The following EVL variants were observed in gnomAD, a reference collection of about 807,000 sequenced individuals.
EVL encodes ena/VASP-like protein.
EVL carries 21 observed loss-of-function variants against 59.6 expected under a neutral mutation model. The ratio of observed to expected loss-of-function variants is 0.35; its 90% CI spans 0.25 to 0.51. EVL has a LOEUF of 0.51. EVL is among the 20% of genes least tolerant of loss of function. The pLI is 0.97. For synonymous variants in EVL, 198 were observed against 203.5 expected (o/e 0.97, Z 0.23); for missense variants, 462 against 546.6 (o/e 0.85, Z 1.54).
chr14:100,033,813 C>G (rs1460067820), intron 1 of EVL, among the ~76,000 whole-genome samples: 1 of 152,178 alleles, frequency 6.6e-6, no homozygotes, highest in East Asian at 1.9e-4. Flanking sequence ...TCACACAGAG[C>G]TGGCATTTGA....
At chr14:100,086,294 C>T (rs185098494) in intron 2 of EVL, among the ~76,000 whole-genome samples, 1 of 152,322 alleles carries the variant, frequency 6.6e-6, no homozygotes, top group East Asian at 1.9e-4. Context: ...CAGTGACACA[C>T]TGTGCCACAC....
chr14:100,008,108 A>C (rs1236099449), intron 1 of EVL, among the ~76,000 whole-genome samples: 1 of 152,068 alleles, frequency 6.6e-6, no homozygotes, highest in Non-Finnish European at 1.5e-5. Context: ...GGTGTAGGGC[A>C]GTCAGTGGTT....
In EVL at chr14:100,015,861, A is replaced by G. The variant is rs541523584; in HGVS notation, c.5+43804A>G. ...CAAGGTGGGTAGATCATTTGATGCC[A>G]GGAGTTCGAGACCAGCCTGGCCAAC... On this transcript the variant is annotated intron_variant, in intron 1 of 13. Coordinates refer to the EVL transcript ENST00000402714. Among the ~76,000 whole-genome samples, 5 of 151,622 alleles carry G rather than the reference A, an allele frequency of 3.3e-5. No homozygotes were observed. The East Asian group carries it at 9.9e-4, about 30-fold the overall frequency.
intron 7 of EVL, among the ~76,000 whole-genome samples, chr14:100,131,069 G>A (rs1439371496): frequency 2.6e-5 from 4 of 152,252 alleles, no homozygotes; most frequent in African/African-American, 9.6e-5. Context: ...CCCTGTGCCT[G>A]GAGAGCTAGG....
At chr14:100,093,494 C>T (rs926593963) in intron 2 of EVL, among the ~76,000 whole-genome samples, 3 of 152,140 alleles carry the variant, frequency 2.0e-5, no homozygotes, top group East Asian at 1.9e-4. Context: ...AGTCATAGAC[C>T]GTTGGGGGCT....
chr14:100,055,511 A>G (rs1275272950), intron 1 of EVL, among the ~76,000 whole-genome samples: 1 of 152,230 alleles, frequency 6.6e-6, no homozygotes, highest in African/African-American at 2.4e-5. Flanking sequence ...GAAATCTTGT[A>G]TACCTAAAAA....
At chr14:100,132,200 G>T (rs1473835559) in intron 7 of EVL, among the ~76,000 whole-genome samples, 1 of 150,900 alleles carries the variant, frequency 6.6e-6, no homozygotes, top group African/African-American at 2.4e-5. Context: ...ACCTATTCCA[G>T]GGCTCCTCTT....
chr14:100,052,020 G>A (rs918314691), intron 1 of EVL, among the ~76,000 whole-genome samples: 3 of 152,192 alleles, frequency 2.0e-5, no homozygotes, highest in African/African-American at 7.2e-5. Flanking sequence ...CTAAAGGAGA[G>A]TCTCATAAAA....
chr14:100,137,542 C>T (rs756557917), intron 9 of EVL, 36 bp from the exon 10 acceptor site: 3 of 1,610,208 alleles, frequency 1.9e-6, no homozygotes, highest in South Asian at 1.1e-5. Flanking sequence ...AGTCCCTTCA[C>T]CTGTGAGGTT....
rs1043141870 is a variant in EVL, at chr14:100,114,188, G to A, written c.359-9351G>A. 6.6e-6 allele frequency among the ~76,000 whole-genome samples: 1 copy of A among 151,798 alleles called. No homozygotes were observed. Among genetic ancestry groups the A allele is most frequent in the African/African-American group, 2.4e-5 (1 of 41,338 alleles). ...GGAGGGCCGGGGGGGAATCAAATGAGCCTTACTTCTGTGAGCGGGTGCCAA... is the reference window on the plus strand; with the variant it reads ...GGAGGGCCGGGGGGGAATCAAATGAACCTTACTTCTGTGAGCGGGTGCCAA... On this transcript the variant is annotated intron_variant, in intron 3 of 13. Transcript: ENST00000392920. This position sits in a 1 kb window ranked among gnomAD's most constrained non-coding sequence, Gnocchi z 5.0.
chr14:100,100,080 C>A (rs980212987), intron 3 of EVL, among the ~76,000 whole-genome samples: 1 of 150,732 alleles, frequency 6.6e-6, no homozygotes, highest in Non-Finnish European at 1.5e-5. Context: ...ATTAAATTCA[C>A]CAGAGAATCA....
chr14:100,047,112 C>CTATTTTTTTTTTTTT (rs1566983234), intron 1 of EVL, among the ~76,000 whole-genome samples: 2 of 11,404 alleles, frequency 1.8e-4, no homozygotes, highest in African/African-American at 5.7e-4. Context: ...GGGCAGATCT[C>CTATTTTTTTTTTTTT]TCTCTCTTTT....
At chr14:100,025,699 G>A (rs1185718871) in intron 1 of EVL, among the ~76,000 whole-genome samples, 7 of 152,138 alleles carry the variant, frequency 4.6e-5, no homozygotes, top group South Asian at 2.1e-4. Context: ...AGGCAGAGGC[G>A]GGTGGGTTAC....
chr14:100,015,159 G>A (rs764473749), intron 1 of EVL, among the ~76,000 whole-genome samples: 1 of 152,176 alleles, frequency 6.6e-6, no homozygotes, highest in East Asian at 1.9e-4. Flanking sequence ...TCAAGTCCAC[G>A]GGACATCAGG....
At chr14:99,973,151 C>G (rs2060746555) in intron 1 of EVL, among the ~76,000 whole-genome samples, 1 of 152,102 alleles carries the variant, frequency 6.6e-6, no homozygotes, top group African/African-American at 2.4e-5. Flanking sequence ...GGGTAGATAT[C>G]TAGTAGAATT....
At chr14:100,126,046 C>G (rs1057057154) in intron 4 of EVL, among the ~76,000 whole-genome samples, 4 of 152,172 alleles carry the variant, frequency 2.6e-5, no homozygotes, top group African/African-American at 9.7e-5. Flanking sequence ...TCTTAAAGTG[C>G]CTCCCACTCC....
At chr14:100,103,643 G>A (rs117035876) in intron 3 of EVL, among the ~76,000 whole-genome samples, 1,621 of 152,114 alleles carry the variant, frequency 0.011, 15 homozygotes, top group Non-Finnish European at 0.012. Context: ...AGGATGAGGC[G>A]CCCCTTCTAT....
intron 1 of EVL, among the ~76,000 whole-genome samples, chr14:99,989,623 A>G (rs960370781): frequency 3.3e-5 from 5 of 152,206 alleles, no homozygotes; most frequent in Non-Finnish European, 7.4e-5. Flanking sequence ...TTTACCTTGT[A>G]TATAATATTC....
At chr14:100,017,861 G>T (rs372032129) in intron 1 of EVL, among the ~76,000 whole-genome samples, 1 of 152,178 alleles carries the variant, frequency 6.6e-6, no homozygotes, top group East Asian at 1.9e-4. Flanking sequence ...AGTCGGCCTC[G>T]TTTGGCCTTT....
Sources: allele counts gnomAD v4.1 joint callset (sites outside exome capture counted in the v4.1 genomes callset), GRCh38; gene constraint gnomAD v4.1.1; non-coding constraint Gnocchi (gnomAD v3.1); transcripts MANE v1.5; gene names NCBI Gene and HGNC (gene_info 2026-07-23, HGNC 2026-07-21).